BRD9: variants seen among roughly 807,000 people sequenced by gnomAD.
BRD9 encodes the protein bromodomain containing 9.
Under a neutral mutation model 68.7 loss-of-function variants are expected in BRD9, and 47 were observed. That is an observed-to-expected ratio of 0.68 (90% confidence interval 0.54 to 0.87). BRD9 has a LOEUF of 0.87. BRD9 is among the 40% of genes least tolerant of loss of function. BRD9 has a pLI of 0.00. For synonymous variants in BRD9, 313 were observed against 293.9 expected (o/e 1.06, Z -0.67); for missense variants, 670 against 748.4 (o/e 0.90, Z 1.22).
chr5:883,980 G>A lies in BRD9; in HGVS notation c.924C>T (p.Asp308=), dbSNP rs372444870. The part of the protein sequence containing the change: ...HVLALVEHAA[D]EARDRINRFL... ...ACCGGTTGATCCTGTCCCGAGCTTC[G>A]TCAGCTGCGTGCTCCACCAGCGCCA... The change falls in exon 8 of 16, where the codon GAC becomes GAT. Residue 308 remains aspartate, a synonymous_variant. Transcript: ENST00000467963. 1.2e-4 allele frequency: 186 copies of A among 1,613,370 alleles called. No individual in the cohort carries two copies. Among genetic ancestry groups the A allele is most frequent in the Non-Finnish European group, 1.3e-4 (157 of 1,180,026 alleles).
chr5:885,169 G>A (rs928519668), intron 7 of BRD9, among the ~76,000 whole-genome samples: 8 of 152,250 alleles, frequency 5.3e-5, no homozygotes, highest in Admixed American at 2.0e-4. Flanking sequence ...CGAGTCGGGG[G>A]CTGAGGCCGG....
chr5:883,751 A>T, intron 8 of BRD9, 187 bp downstream of exon 8: 1 of 780,772 alleles, frequency 1.3e-6, no homozygotes, highest in Non-Finnish European at 2.0e-6. Context: ...GCCCTGCCAG[A>T]GGCACCTGGA....
chr5:885,906 G>C (rs1317926446), intron 7 of BRD9, among the ~76,000 whole-genome samples: 1 of 152,186 alleles, frequency 6.6e-6, no homozygotes, highest in Admixed American at 6.5e-5. Context: ...GTGTGATACG[G>C]ACTTTGATAC....
chr5:889,671 T>C (rs747127103), intron 3 of BRD9, 24 bp from the exon 4 acceptor site: 97 of 1,605,366 alleles, frequency 6.0e-5, no homozygotes, highest in Non-Finnish European at 8.2e-5. Context: ...GAAAAAAAAA[T>C]TGAATACAAG....
At chr5:887,611 T>A (rs73733977) in intron 5 of BRD9, 140 bp from the exon 6 acceptor site, 1 of 701,496 alleles carries the variant, frequency 1.4e-6, no homozygotes, top group Non-Finnish European at 2.5e-6. Context: ...GATCTAAACA[T>A]AACGTTTAAG....
rs1751255945 is a variant in BRD9, at chr5:878,209, G to A, written c.1271+146C>T. The A allele has an allele frequency of 1.6e-5, 19 of 1,213,212 alleles. No homozygotes were observed. In the South Asian group the frequency reaches 2.4e-4, roughly 16 times the overall value. 75.2% of individuals were successfully genotyped at this position (1,213,212 alleles called of 1,614,324 possible). ...CTGTGGCAGACCTGTGTGGATGACTGAAAGCAACGGGAAGACCCAGGCTGC... is the reference window on the plus strand; with the variant it reads ...CTGTGGCAGACCTGTGTGGATGACTAAAAGCAACGGGAAGACCCAGGCTGC... On this transcript the variant is annotated intron_variant, in intron 11 of 15. Coordinates refer to ENST00000467963, the MANE Select transcript of BRD9 (RefSeq NM_023924.5).
intron 7 of BRD9, among the ~76,000 whole-genome samples, chr5:885,311 CCT>C (rs762147782): frequency 1.6e-4 from 24 of 152,238 alleles, no homozygotes; most frequent in Non-Finnish European, 2.8e-4. Context: ...CGCAGCGCAC[CCT>C]GTCTCCTAAG....
At chr5:869,923 T>C (rs750378375) in intron 14 of BRD9, among the ~76,000 whole-genome samples, 1 of 152,238 alleles carries the variant, frequency 6.6e-6, no homozygotes, top group Admixed American at 6.5e-5. Flanking sequence ...CCTGGGACTG[T>C]GTCACAGCCA....
chr5:876,024 G>C (rs1416941636), intron 12 of BRD9, 77 bp downstream of exon 12: 2 of 1,006,896 alleles, frequency 2.0e-6, no homozygotes, highest in Non-Finnish European at 3.0e-6. Context: ...CCGAAAGCCT[G>C]GTCAGGCTGC....
chr5:892,218 A>T (rs1753540418), intron 1 of BRD9: 2 of 435,830 alleles, frequency 4.6e-6, no homozygotes, highest in Admixed American at 4.2e-5. Flanking sequence ...GACTTCCTGC[A>T]GGCGCCCGTG....
chr5:890,468 G>A (rs1253286486), intron 3 of BRD9, among the ~76,000 whole-genome samples: 1 of 152,214 alleles, frequency 6.6e-6, no homozygotes, highest in Middle Eastern at 3.2e-3. Context: ...ATCACTGTGA[G>A]TTGTGCACAG....
At chr5:891,470 C>T in intron 2 of BRD9, 170 bp downstream of exon 2, 1 of 1,322,168 alleles carries the variant, frequency 7.6e-7, no homozygotes, top group Non-Finnish European at 1.0e-6. Flanking sequence ...AACAGCACAC[C>T]CAGGATCCTG....
chr5:888,063 G>A (rs937018693), intron 5 of BRD9, among the ~76,000 whole-genome samples: 6 of 152,228 alleles, frequency 3.9e-5, no homozygotes, highest in African/African-American at 1.4e-4. Context: ...ACGTCAGGCT[G>A]GAGCATGACC....
At chr5:874,862 C>T (rs747870333) in intron 12 of BRD9, among the ~76,000 whole-genome samples, 7 of 152,222 alleles carry the variant, frequency 4.6e-5, no homozygotes, top group Non-Finnish European at 7.3e-5. Context: ...CCTGGTGCGG[C>T]AGCACAGTGT....
chr5:865,658 C>T, intron 14 of BRD9, 77 bp from the exon 15 acceptor site: 2 of 1,452,204 alleles, frequency 1.4e-6, no homozygotes, highest in Non-Finnish European at 1.9e-6. Context: ...GCACACTGCC[C>T]ATCCAGACAG....
chr5:875,742 T>A (rs1750809652), intron 12 of BRD9, among the ~76,000 whole-genome samples: 1 of 152,156 alleles, frequency 6.6e-6, no homozygotes. Context: ...GAAAATGAAT[T>A]TCAAAAATGA....
At chr5:864,788 G>A (rs570474761) in intron 15 of BRD9, among the ~76,000 whole-genome samples, 51 of 152,300 alleles carry the variant, frequency 3.3e-4, no homozygotes, top group African/African-American at 1.1e-3. Flanking sequence ...TGCTTCTGAA[G>A]GAGAGAACGC....
rs562852950 is a variant in BRD9, at chr5:889,454, T to C, written c.461+133A>G. 24 of 998,208 alleles carry C rather than the reference T, an allele frequency of 2.4e-5. No individual in the cohort carries two copies. In the South Asian group the frequency reaches 3.6e-4, roughly 15 times the overall value. 61.8% of individuals were successfully genotyped at this position (998,208 alleles called of 1,614,324 possible). A position where few individuals can be genotyped will look rare whatever the true frequency, so the allele number is the denominator to read the frequency against. On this transcript the variant is annotated intron_variant, in intron 4 of 15. Transcript: ENST00000467963. ...TGAACTCTTCCTACGCACCCCGAAG[T>C]GGACTGGGAGTCACCAAGAGAAGGT...
intron 12 of BRD9, among the ~76,000 whole-genome samples, chr5:874,952 G>C (rs1750690263): frequency 6.6e-6 from 1 of 152,238 alleles, no homozygotes; most frequent in African/African-American, 2.4e-5. Flanking sequence ...GGTGGAAAAT[G>C]ACATTTGAGT....
Sources: allele counts gnomAD v4.1 joint callset (sites outside exome capture counted in the v4.1 genomes callset), GRCh38; gene constraint gnomAD v4.1.1; transcripts MANE v1.5; gene names NCBI Gene and HGNC (gene_info 2026-07-23, HGNC 2026-07-21).